CHCHD4: variants seen among roughly 807,000 people sequenced by gnomAD.
The protein encoded by CHCHD4 is coiled-coil-helix-coiled-coil-helix domain containing 4.
A neutral mutation model predicts 12.4 loss-of-function variants in CHCHD4; 7 were observed. The observed-to-expected ratio is 0.57, with a 90% CI of 0.32 to 1.06. The LOEUF is 1.06. CHCHD4 is among the 50% of genes least tolerant of loss of function. The pLI is 0.04. For missense variants in CHCHD4, 143 were observed against 175.1 expected, an observed-to-expected ratio of 0.82 and a Z score of 1.03; for synonymous variants, 56 against 58.0, an observed-to-expected ratio of 0.97 and a Z score of 0.16.
At chr3:14,120,569 C>T (rs1034721611) in intron 1 of CHCHD4, among the ~76,000 whole-genome samples, 15 of 152,174 alleles carry the variant, frequency 9.9e-5, no homozygotes, top group African/African-American at 2.9e-4. Context: ...TCCCTTATCC[C>T]GCTTTATCTT....
chr3:14,123,916 A>G (rs1281096129), intron 1 of CHCHD4, among the ~76,000 whole-genome samples: 3 of 152,090 alleles, frequency 2.0e-5, no homozygotes, highest in Non-Finnish European at 4.4e-5. Flanking sequence ...TTGGGGTGGG[A>G]GGTAGGCAGG....
At position 14,113,270 on chromosome 3, in the gene CHCHD4, G is replaced by A. The variant is rs1241003107; in HGVS notation, c.122-76C>T. On this transcript the variant is annotated intron_variant, in intron 2 of 2. Transcript: ENST00000396914. ...ACTAGTCCAGTCCTCACAGGCTACT[G>A]AGGGGGTGCAGAACAGGAACTATTG... 5.6e-6 allele frequency: 7 copies of A among 1,241,240 alleles called. No homozygotes were observed. The East Asian group carries it at 9.3e-5, about 17-fold the overall frequency. 76.9% of individuals were successfully genotyped at this position (1,241,240 alleles called of 1,614,324 possible). A position where few individuals can be genotyped will look rare whatever the true frequency, so the allele number is the denominator to read the frequency against.
At chr3:14,114,899 G>A (rs1264699736) in intron 2 of CHCHD4, among the ~76,000 whole-genome samples, 1 of 152,206 alleles carries the variant, frequency 6.6e-6, no homozygotes, top group Non-Finnish European at 1.5e-5. Context: ...GTCTCTGGCT[G>A]AGTCAGTCTC....
At chr3:14,114,728 G>A in intron 2 of CHCHD4, among the ~76,000 whole-genome samples, 1 of 152,008 alleles carries the variant, frequency 6.6e-6, no homozygotes, top group East Asian at 1.9e-4. Context: ...TGTTTCTTAG[G>A]GGCAGGTAAG....
Position 14,124,759 on chromosome 3 carries a change from C to CA in CHCHD4, c.-84dup. 1 of 1,431,600 alleles carries CA rather than the reference C, an allele frequency of 7.0e-7. No individual in the cohort carries two copies. Among genetic ancestry groups the CA allele is most frequent in the Non-Finnish European group, 9.3e-7 (1 of 1,073,818 alleles). 88.7% of individuals were successfully genotyped at this position (1,431,600 alleles called of 1,614,324 possible). A position where few individuals can be genotyped will look rare whatever the true frequency, so the allele number is the denominator to read the frequency against. Reference sequence around the variant, plus strand: ...ACGCCGTGACCTCCCTCTCCTCTGGCAGGGCGGGCTCCTCCGAAGCCCGCG... The same window carrying CA: ...ACGCCGTGACCTCCCTCTCCTCTGGCAAGGGCGGGCTCCTCCGAAGCCCGCG... On this transcript the variant is annotated 5_prime_UTR_variant, in exon 1 of 3. Coordinates refer to ENST00000396914, the MANE Select transcript of CHCHD4 (RefSeq NM_001098502.2).
At chr3:14,113,714 G>A (rs1694845597) in intron 2 of CHCHD4, among the ~76,000 whole-genome samples, 1 of 152,080 alleles carries the variant, frequency 6.6e-6, no homozygotes, top group African/African-American at 2.4e-5. Flanking sequence ...TGCTCCTTAT[G>A]TACTGACGAA....
chr3:14,118,397 A>C (rs1413133782), intron 1 of CHCHD4, among the ~76,000 whole-genome samples: 1 of 152,266 alleles, frequency 6.6e-6, no homozygotes, highest in Admixed American at 6.5e-5. Flanking sequence ...GTTTGGGCCC[A>C]TGCTTGGGCT....
At chr3:14,115,837 C>T (rs546547408) in intron 2 of CHCHD4, among the ~76,000 whole-genome samples, 120 of 152,260 alleles carry the variant, frequency 7.9e-4, no homozygotes, top group African/African-American at 1.6e-3. Flanking sequence ...CCACCTCACA[C>T]GGTCTGCAGT....
chr3:14,124,567 G>C (rs762393067), intron 1 of CHCHD4, 88 bp downstream of exon 1: 40 of 1,299,622 alleles, frequency 3.1e-5, no homozygotes, highest in Non-Finnish European at 3.6e-5. Context: ...CAGGTGGCCC[G>C]CGCCCGGCGT....
At chr3:14,122,753 C>G (rs1385918281) in intron 1 of CHCHD4, among the ~76,000 whole-genome samples, 2 of 151,444 alleles carry the variant, frequency 1.3e-5, no homozygotes, top group Non-Finnish European at 2.9e-5. Context: ...AGTAAGATGG[C>G]AAAAAATAAA....
At chr3:14,114,072 TA>T (rs943672586) in intron 2 of CHCHD4, among the ~76,000 whole-genome samples, 3 of 152,294 alleles carry the variant, frequency 2.0e-5, no homozygotes, top group Non-Finnish European at 2.9e-5. Context: ...AGAGAGCCTC[TA>T]AAAGGTCCTG....
intron 2 of CHCHD4, among the ~76,000 whole-genome samples, chr3:14,115,919 T>C (rs773638145): frequency 2.6e-5 from 4 of 152,230 alleles, no homozygotes; most frequent in Admixed American, 6.5e-5. Context: ...ACCACTGTTA[T>C]ATTCAGCCAT....
At position 14,116,444 on chromosome 3, in the gene CHCHD4, C is replaced by G. The variant is rs1355610197; in HGVS notation, c.103G>C (p.Asp35His). 6.2e-7 allele frequency: 1 copy of G among 1,611,740 alleles called. No homozygotes were observed. The highest frequency in any genetic ancestry group is 1.1e-5 in the South Asian group (1 of 91,026). Residue 35 changes from aspartate (D) to histidine (H), a missense_variant, in exon 2 of 3, where the codon GAT becomes CAT. Asp to His is a moderately conservative substitution (Grantham distance 81, BLOSUM62 -1). Coordinates refer to ENST00000396914, the MANE Select transcript of CHCHD4 (RefSeq NM_001098502.2). ...CACTCACCATGCTCCTCGTATGGAT[C>G]GTTGGGGTCATCAGCCACCAATTCT... is the stretch of plus-strand genomic sequence containing the variant. Reference protein sequence around the residue: ...SAELVADDPNDPYEEHGLILP... With the variant: ...SAELVADDPNHPYEEHGLILP...
At chr3:14,121,783 T>C in intron 1 of CHCHD4, 1 of 1,499,046 alleles carries the variant, frequency 6.7e-7, no homozygotes, top group African/African-American at 1.4e-5. Flanking sequence ...CTAAGGACTT[T>C]CATGTTTAGA....
In CHCHD4 at chr3:14,124,752, C is replaced by G; in HGVS notation, c.-76G>C. ...CACCTTTACGCCGTGACCTCCCTCTCCTCTGGCAGGGCGGGCTCCTCCGAA... is the reference window on the plus strand; with the variant it reads ...CACCTTTACGCCGTGACCTCCCTCTGCTCTGGCAGGGCGGGCTCCTCCGAA... On this transcript the variant is annotated 5_prime_UTR_variant, in exon 1 of 3. Transcript: ENST00000396914. The G allele has an allele frequency of 2.7e-6, 4 of 1,457,828 alleles. No individual in the cohort carries two copies. Among genetic ancestry groups the G allele is most frequent in the Non-Finnish European group, 3.7e-6 (4 of 1,092,486 alleles). 90.3% of individuals were successfully genotyped at this position (1,457,828 alleles called of 1,614,324 possible).
chr3:14,124,772 T>C lies in CHCHD4; in HGVS notation c.-96A>G. On this transcript the variant is annotated 5_prime_UTR_variant, in exon 1 of 3. Coordinates refer to ENST00000396914, the MANE Select transcript of CHCHD4 (RefSeq NM_001098502.2). ...CCTCTCCTCTGGCAGGGCGGGCTCC[T>C]CCGAAGCCCGCGCGGACCCGCCCCC... The C allele has an allele frequency of 7.3e-7, 1 of 1,365,864 alleles. No individual in the cohort carries two copies. Among genetic ancestry groups the C allele is most frequent in the South Asian group, 1.4e-5 (1 of 70,606 alleles). The allele number at this position is 1,365,864 out of a possible 1,614,324, so 84.6% of individuals were successfully genotyped here.
chr3:14,118,554 C>T (rs1007123757), intron 1 of CHCHD4, among the ~76,000 whole-genome samples: 3 of 152,236 alleles, frequency 2.0e-5, no homozygotes, highest in Admixed American at 1.3e-4. Context: ...GGGTCTCTTA[C>T]ACTAGAACAG....
chr3:14,120,075 G>C (rs925557324), intron 1 of CHCHD4, among the ~76,000 whole-genome samples: 1 of 152,184 alleles, frequency 6.6e-6, no homozygotes, highest in African/African-American at 2.4e-5. Context: ...GCACAAGGAG[G>C]AGGTCATCCA....
chr3:14,117,551 T>C (rs984378471), intron 1 of CHCHD4, among the ~76,000 whole-genome samples: 1 of 152,144 alleles, frequency 6.6e-6, no homozygotes, highest in Non-Finnish European at 1.5e-5. Flanking sequence ...CCTAAAAACT[T>C]TGGCCATCAG....
Sources: gnomAD v4.1 joint callset for allele counts (sites outside exome capture counted in the v4.1 genomes callset) on GRCh38, gnomAD v4.1.1 for gene constraint, MANE v1.5 for transcripts, NCBI Gene and HGNC (gene_info 2026-07-23, HGNC 2026-07-21) for gene names.